MSANTD2: variants seen among roughly 807,000 people sequenced by gnomAD.
The protein encoded by MSANTD2 is myb/SANT-like DNA-binding domain-containing protein 2.
Under a neutral mutation model 52.6 loss-of-function variants are expected in MSANTD2, and 19 were observed. The ratio of observed to expected loss-of-function variants is 0.36; its 90% CI spans 0.25 to 0.53. The LOEUF is 0.53. MSANTD2 is among the 20% of genes least tolerant of loss of function. MSANTD2 has a pLI of 0.91. For synonymous variants in MSANTD2, 291 were observed against 289.7 expected (o/e 1.00, Z -0.04); for missense variants, 558 against 716.3 (o/e 0.78, Z 2.52).
chr11:124,785,446 TTAAAG>T (rs1945127794), intron 1 of MSANTD2, among the ~76,000 whole-genome samples: 1 of 152,146 alleles, frequency 6.6e-6, no homozygotes, highest in African/African-American at 2.4e-5. Flanking sequence ...CAGAAAGAAG[TTAAAG>T]TAGAGTTGCA....
rs959684182 is a variant in MSANTD2 at position 124,799,713 on chromosome 11, C to T, written c.510+158G>A. On this transcript the variant is annotated intron_variant, in intron 1 of 3. Transcript: ENST00000374979. ...GCTGGCGGCCATCTGGGAAAAAGCC[C>T]CCTTCCCAGGGAGAGAAGAAAAAGG... 2.6e-5 allele frequency among the ~76,000 whole-genome samples: 4 copies of T among 152,356 alleles called. No individual in the cohort carries two copies. In the East Asian group the frequency reaches 7.7e-4, roughly 29 times the overall value.
At chr11:124,780,243 C>G (rs1944909890) in intron 1 of MSANTD2, among the ~76,000 whole-genome samples, 1 of 152,126 alleles carries the variant, frequency 6.6e-6, no homozygotes, top group African/African-American at 2.4e-5. Flanking sequence ...AGAGCTGTAA[C>G]TAATGATTAG....
chr11:124,788,081 C>CAAAA lies in MSANTD2; in HGVS notation c.510+11786_510+11789dup, dbSNP rs113281012. Among the ~76,000 whole-genome samples, 492 of 107,580 alleles carry CAAAA rather than the reference C, an allele frequency of 4.6e-3. 2 individuals carry two copies. Among genetic ancestry groups the CAAAA allele is most frequent in the Admixed American group, 0.017 (175 of 10,344 alleles). The allele number at this position is 107,580 out of a possible 152,430, so 70.6% of individuals were successfully genotyped here. A position where few individuals can be genotyped will look rare whatever the true frequency, so the allele number is the denominator to read the frequency against. ...TGGGCAACAGAGCAAGACCCTGTCT[C>CAAAA]AAAAAAAAAAAAAAAAGCCAATTAA... On this transcript the variant is annotated intron_variant, in intron 1 of 3. Coordinates refer to ENST00000374979, the MANE Select transcript of MSANTD2 (RefSeq NM_001308027.2).
chr11:124,799,719 C>T, intron 1 of MSANTD2, 152 bp downstream of exon 1: 1 of 595,598 alleles, frequency 1.7e-6, no homozygotes, highest in Non-Finnish European at 2.8e-6. Flanking sequence ...AGCCCCCTTC[C>T]CAGGGAGAGA....
intron 3 of MSANTD2, among the ~76,000 whole-genome samples, chr11:124,771,482 T>A (rs1271706797): frequency 6.6e-6 from 1 of 152,156 alleles, no homozygotes; most frequent in Non-Finnish European, 1.5e-5. Context: ...TAAAAACAAC[T>A]AATGTGGCCG....
intron 1 of MSANTD2, among the ~76,000 whole-genome samples, chr11:124,799,624 C>CT (rs5795430): frequency 0.016 from 1 of 64 alleles, no homozygotes; most frequent in African/African-American, 0.05. Flanking sequence ...GCAGGAACAT[C>CT]TCAATTGGCA....
chr11:124,800,240 G>T lies in MSANTD2; in HGVS notation c.141C>A (p.Ala47=). 1 of 1,543,294 alleles carries T rather than the reference G, an allele frequency of 6.5e-7. No individual in the cohort carries two copies. Among genetic ancestry groups the T allele is most frequent in the Non-Finnish European group, 8.7e-7 (1 of 1,148,814 alleles). Residue 47 remains alanine, a synonymous_variant, in exon 1 of 4, where the codon GCC becomes GCA. Transcript: ENST00000374979. The surrounding 1 kb of genome is among the most constrained non-coding windows in gnomAD (Gnocchi z 4.3). ...CCGCACTGCCCGGCCCGAGCGGGGA[G>T]GCACCCCGAGGCGTGGAAGGGTCGG... The part of the protein sequence containing the change: ...SLSDPSTPRG[A]SPLGPGSAAG...
At chr11:124,786,543 T>C (rs976791007) in intron 1 of MSANTD2, among the ~76,000 whole-genome samples, 15 of 152,182 alleles carry the variant, frequency 9.9e-5, no homozygotes, top group Non-Finnish European at 1.0e-4. Flanking sequence ...AATTCAAACT[T>C]ACTTCTTTTT....
At chr11:124,795,750 C>T (rs978114341) in intron 1 of MSANTD2, among the ~76,000 whole-genome samples, 2 of 152,106 alleles carry the variant, frequency 1.3e-5, no homozygotes, top group African/African-American at 4.8e-5. Flanking sequence ...CAGCCCTCCA[C>T]ATAGTAAGCA....
At chr11:124,798,551 GTAAT>G (rs1346698378) in intron 1 of MSANTD2, among the ~76,000 whole-genome samples, 1 of 152,122 alleles carries the variant, frequency 6.6e-6, no homozygotes, top group East Asian at 1.9e-4. Context: ...TTGTAATGGA[GTAAT>G]TAATGGGTGG....
chr11:124,793,452 T>C (rs984722899), intron 1 of MSANTD2, among the ~76,000 whole-genome samples: 7 of 152,204 alleles, frequency 4.6e-5, no homozygotes, highest in Non-Finnish European at 8.8e-5. Flanking sequence ...TACATGGGTT[T>C]CAAAGCCTTT....
intron 1 of MSANTD2, among the ~76,000 whole-genome samples, chr11:124,785,457 T>C (rs2135256740): frequency 6.6e-6 from 1 of 152,122 alleles, no homozygotes; most frequent in South Asian, 2.1e-4. Flanking sequence ...TAAAGTAGAG[T>C]TGCAACAGCA....
At chr11:124,791,196 T>G in intron 1 of MSANTD2, 2 of 1,163,850 alleles carry the variant, frequency 1.7e-6, no homozygotes. Flanking sequence ...AATGGGTGCA[T>G]GTGAGGGACA....
In MSANTD2 at chr11:124,779,654, G is replaced by A. The variant is rs1031137370; in HGVS notation, c.511-4680C>T. Among the ~76,000 whole-genome samples, 5 of 152,192 alleles carry A rather than the reference G, an allele frequency of 3.3e-5. No homozygotes were observed. The highest frequency in any genetic ancestry group is 1.2e-4 in the African/African-American group (5 of 41,444). On this transcript the variant is annotated intron_variant, in intron 1 of 3. Coordinates refer to ENST00000374979, the MANE Select transcript of MSANTD2 (RefSeq NM_001308027.2). The surrounding 1 kb of genome is among the most constrained non-coding windows in gnomAD (Gnocchi z 4.6). ...CAAGGAGGACAGCTTAGTTATAATA[G>A]CAGGAAACAATGTTACAAGAAAAAA...
intron 1 of MSANTD2, among the ~76,000 whole-genome samples, chr11:124,788,045 G>A (rs898418879): frequency 2.1e-5 from 3 of 146,100 alleles, no homozygotes; most frequent in East Asian, 2.0e-4. Flanking sequence ...TCGTGCCACC[G>A]CACTCTAGCT....
chr11:124,771,835 T>C (rs972738447), intron 3 of MSANTD2, among the ~76,000 whole-genome samples: 1 of 152,222 alleles, frequency 6.6e-6, no homozygotes, highest in Non-Finnish European at 1.5e-5. Flanking sequence ...CTACCATCTC[T>C]CAGACATCAA....
chr11:124,770,314 GTT>G (rs59573200), intron 3 of MSANTD2, among the ~76,000 whole-genome samples: 42,604 of 143,096 alleles, frequency 0.3, 8,591 homozygotes, highest in African/African-American at 0.59. Context: ...TTGTTTGTTT[GTT>G]TTTTTTTTTT....
intron 1 of MSANTD2, chr11:124,791,567 C>A (rs997416802): frequency 1.2e-5 from 15 of 1,299,466 alleles, no homozygotes; most frequent in Non-Finnish European, 1.7e-5. Flanking sequence ...CAATGTGACC[C>A]TGAGCTGCCA....
At chr11:124,791,325 G>A in intron 1 of MSANTD2, 1 of 1,428,178 alleles carries the variant, frequency 7.0e-7, no homozygotes, top group Non-Finnish European at 9.9e-7. Context: ...CCAGGAGAGA[G>A]ACTCTGGCCC....
Sources: gnomAD v4.1 joint callset for allele counts (sites outside exome capture counted in the v4.1 genomes callset) on GRCh38, gnomAD v4.1.1 for gene constraint, Gnocchi (gnomAD v3.1) non-coding constraint, MANE v1.5 for transcripts, NCBI Gene and HGNC (gene_info 2026-07-23, HGNC 2026-07-21) for gene names.